The following SCAF1 variants were observed in gnomAD, a reference collection of about 807,000 sequenced individuals.
SCAF1 encodes the protein SR-related CTD associated factor 1.
A neutral mutation model predicts 91.2 loss-of-function variants in SCAF1; 28 were observed. The observed-to-expected ratio is 0.31, with a 90% CI of 0.23 to 0.42. The LOEUF (loss-of-function observed/expected upper bound fraction) is 0.42. Among genes scored for constraint, SCAF1 ranks in the 10% least tolerant of loss-of-function variants. The pLI, the probability that SCAF1 is intolerant of heterozygous loss-of-function variation, is 1.00. For missense variants in SCAF1, 1,893 were observed against 1,872.1 expected, an observed-to-expected ratio of 1.01 and a Z score of -0.21; for synonymous variants, 1,036 against 833.7, an observed-to-expected ratio of 1.24 and a Z score of -4.18.
At chr19:49,649,097 T>C (rs1251582958) in intron 6 of SCAF1, among the ~76,000 whole-genome samples, 2 of 151,566 alleles carry the variant, frequency 1.3e-5, no homozygotes, top group Non-Finnish European at 2.9e-5. Context: ...GCCTTAAGAG[T>C]GATAAGGGTG....
rs2081049913 is a variant in SCAF1, at chr19:49,645,506, G to A, written c.166+95G>A. ...CAAGCTTTTCTGAAGCCTCCTGGGT[G>A]CCACCCTTGTGCTGGCATGGGGAGC... is the stretch of plus-strand genomic sequence containing the variant. On this transcript the variant is annotated intron_variant, in intron 3 of 10. Coordinates refer to ENST00000360565, the MANE Select transcript of SCAF1 (RefSeq NM_021228.3). This position sits in a 1 kb window ranked among gnomAD's most constrained non-coding sequence, Gnocchi z 4.6. The A allele has an allele frequency of 1.5e-6, 2 of 1,377,764 alleles. No homozygotes were observed. The highest frequency in any genetic ancestry group is 2.0e-6 in the Non-Finnish European group (2 of 995,742). The allele number at this position is 1,377,764 out of a possible 1,614,324, so 85.3% of individuals were successfully genotyped here.
Position 49,652,118 on chromosome 19 carries a change from C to A in SCAF1, c.1729C>A (p.Arg577Ser). 3.6e-6 allele frequency: 4 copies of A among 1,119,816 alleles called. No homozygotes were observed. The highest frequency in any genetic ancestry group is 2.2e-6 in the Non-Finnish European group (2 of 909,206). 69.4% of individuals were successfully genotyped at this position (1,119,816 alleles called of 1,614,324 possible). Residue 577 changes from arginine (R) to serine (S), a missense_variant, in exon 7 of 11, where the codon CGC (arginine) becomes AGC (serine). By Grantham distance (110) the Arg-to-Ser change is moderately radical. Around this residue, in one of 5 missense-constraint regions of SCAF1, gnomAD observed 1,436 missense variants for 1,306.8 expected, o/e 1.10. Coordinates refer to ENST00000360565, the MANE Select transcript of SCAF1 (RefSeq NM_021228.3). The stretch of plus-strand genomic sequence containing the variant: ...GTCCGCCCGCCGCCGCTCCCGCTCC[C>A]GCTCCCGCTCCCGCTCCACCCGCCG... The part of the protein sequence containing the change: ...SSSARRRSRS[R>S]SRSRSTRRRS...
chr19:49,652,483 C>G lies in SCAF1; in HGVS notation c.2094C>G (p.Leu698=). 1.3e-6 allele frequency: 2 copies of G among 1,593,986 alleles called. No homozygotes were observed. Among genetic ancestry groups the G allele is most frequent in the Non-Finnish European group, 1.7e-6 (2 of 1,173,218 alleles). ...TCCAGGACCTCACGGACCACGACCT[C>G]TTCGCCATCAAGCGGACCATCACGG... ...PSIQDLTDHD[L]FAIKRTITVG... is the part of the protein sequence containing the mutation. The change falls in exon 7 of 11, where the codon CTC becomes CTG. Residue 698 remains leucine, a synonymous_variant. Transcript: ENST00000360565.
At position 49,651,227 on chromosome 19, in the gene SCAF1, G is replaced by T; in HGVS notation, c.838G>T (p.Glu280Ter). 6.2e-7 allele frequency: 1 copy of T among 1,613,172 alleles called. No individual in the cohort carries two copies. Among genetic ancestry groups the T allele is most frequent in the Non-Finnish European group, 8.5e-7 (1 of 1,179,862 alleles). The change falls in exon 7 of 11, where the codon GAA becomes TAA. Residue 280 changes from glutamate (E) to a stop codon, truncating the protein, a stop_gained. Coordinates refer to ENST00000360565, the MANE Select transcript of SCAF1 (RefSeq NM_021228.3). LOFTEE classifies it high-confidence loss of function. ...EEEEEEEEEE[E>*]EEDEEEEEGL... is the part of the protein sequence containing the mutation. ...GGAGGAGGAAGAGGAAGAAGAAGAGGAAGAGGAAGACGAGGAGGAGGAGGA... is the reference window on the plus strand; with the variant it reads ...GGAGGAGGAAGAGGAAGAAGAAGAGTAAGAGGAAGACGAGGAGGAGGAGGA...
chr19:49,642,705 G>GGGTAT lies in SCAF1; in HGVS notation c.-7+465_-7+469dup, dbSNP rs1374419687. ...ATCTTCAGAGCCATCTAGAGGCCTG[G>GGGTAT]GGTATGTCTTTTAGGGCTGGAAAGT... On this transcript the variant is annotated intron_variant, in intron 1 of 10. Transcript: ENST00000360565. This position sits in a 1 kb window ranked among gnomAD's most constrained non-coding sequence, Gnocchi z 4.0. The GGGTAT allele has an allele frequency of 6.6e-6, 1 of 152,406 alleles. No homozygotes were observed. The highest frequency in any genetic ancestry group is 1.9e-4 in the East Asian group (1 of 5,210). 9.4% of individuals were successfully genotyped at this position (152,406 alleles called of 1,614,324 possible). A position where few individuals can be genotyped will look rare whatever the true frequency, so the allele number is the denominator to read the frequency against.
chr19:49,654,922 A>C lies in SCAF1; in HGVS notation c.3618+52A>C, dbSNP rs760942190. On this transcript the variant is annotated intron_variant, in intron 9 of 10. Coordinates refer to ENST00000360565, the MANE Select transcript of SCAF1 (RefSeq NM_021228.3). The stretch of plus-strand genomic sequence containing the variant: ...CGGTGCTGACAGTTCTGTAGAGAAT[A>C]TGGACAGGAACTGAGACGCGGGGGC... 2.9e-6 allele frequency: 4 copies of C among 1,391,742 alleles called. No individual in the cohort carries two copies. In the African/African-American group the frequency reaches 5.8e-5, roughly 20 times the overall value. 86.2% of individuals were successfully genotyped at this position (1,391,742 alleles called of 1,614,324 possible).
chr19:49,655,704 A>ACCCTGTTG (rs1002873990), intron 9 of SCAF1, among the ~76,000 whole-genome samples: 3 of 151,846 alleles, frequency 2.0e-5, no homozygotes, highest in African/African-American at 2.4e-5. Context: ...TCGCTTTGTC[A>ACCCTGTTG]CCCAAGCTGG....
In SCAF1 at chr19:49,651,590, G is replaced by A; in HGVS notation, c.1201G>A (p.Glu401Lys). 6.5e-7 allele frequency: 1 copy of A among 1,540,610 alleles called. No individual in the cohort carries two copies. The highest frequency in any genetic ancestry group is 8.7e-7 in the Non-Finnish European group (1 of 1,144,006). ...GGAAGGGGAGATCGTCCAGCCGGAG[G>A]AGGAGCCCAGGCTGGCGCTGTCCCT... is the stretch of plus-strand genomic sequence containing the variant. ...IEEGEIVQPE[E>K]EPRLALSLFR... Residue 401 changes from glutamate to lysine, a missense_variant, in exon 7 of 11, where the codon GAG (glutamate) becomes AAG (lysine). This residue lies in a region of SCAF1 where 1,436 missense variants were observed against 1,306.8 expected (regional missense o/e 1.10). Transcript: ENST00000360565.
upstream of SCAF1, among the ~76,000 whole-genome samples, chr19:49,641,832 C>A (rs760890135): frequency 9.2e-5 from 14 of 152,232 alleles, no homozygotes; most frequent in Non-Finnish European, 2.1e-4. Flanking sequence ...CGTGCTCACT[C>A]CGCCGGACTA....
rs963879525 is a variant in SCAF1 at position 49,642,428 on chromosome 19, C to T, written c.-7+186C>T. 1.3e-5 allele frequency among the ~76,000 whole-genome samples: 2 copies of T among 152,132 alleles called. No homozygotes were observed. The highest frequency in any genetic ancestry group is 4.8e-5 in the African/African-American group (2 of 41,444). Reference sequence around the variant, plus strand: ...GCCGAGAGGGGGGCCTTCTCAGGGCCCCGGGACGCATCCGTGGGTTCCTGG... The same window carrying T: ...GCCGAGAGGGGGGCCTTCTCAGGGCTCCGGGACGCATCCGTGGGTTCCTGG... On this transcript the variant is annotated intron_variant, in intron 1 of 10. Transcript: ENST00000360565. The surrounding 1 kb of genome is among the most constrained non-coding windows in gnomAD (Gnocchi z 4.0).
In SCAF1 at chr19:49,646,786, C is replaced by T; in HGVS notation, c.434C>T (p.Pro145Leu). 1 of 1,613,678 alleles carries T rather than the reference C, an allele frequency of 6.2e-7. No homozygotes were observed. The highest frequency in any genetic ancestry group is 2.2e-5 in the East Asian group (1 of 44,876). ...GDRDPIPLPV[P>L]SLLPRLRAWR... The stretch of plus-strand genomic sequence containing the variant: ...AGAGATCCCATCCCTCTGCCTGTGC[C>T]CAGCCTGCTGCCCCGTCTCAGGGCC... The change falls in exon 6 of 11, where the codon CCC becomes CTC. Residue 145 changes from proline to leucine, a missense_variant. Pro to Leu is a moderately conservative substitution (Grantham distance 98, BLOSUM62 -3). Transcript: ENST00000360565. This position sits in a 1 kb window ranked among gnomAD's most constrained non-coding sequence, Gnocchi z 5.6.
intron 9 of SCAF1, 26 bp downstream of exon 9, chr19:49,654,896 G>A (rs1369177458): frequency 6.6e-7 from 1 of 1,517,108 alleles, no homozygotes; most frequent in Non-Finnish European, 8.9e-7. Flanking sequence ...GAGAGGTGGG[G>A]CGGTGCTGAC....
rs145400759 is a variant in SCAF1 at position 49,652,510 on chromosome 19, G to C, written c.2121G>C (p.Val707=). 6.3e-7 allele frequency: 1 copy of C among 1,580,024 alleles called. No individual in the cohort carries two copies. The part of the protein sequence containing the change: ...DLFAIKRTIT[V]GRLDKSDPRG... Reference sequence around the variant, plus strand: ...TCGCCATCAAGCGGACCATCACGGTGGGCCGGCTTGACAAGTCCGACCCCC... The same window carrying C: ...TCGCCATCAAGCGGACCATCACGGTCGGCCGGCTTGACAAGTCCGACCCCC... Residue 707 remains valine (V), a synonymous_variant, in exon 7 of 11, where the codon GTG becomes GTC. Transcript: ENST00000360565.
At chr19:49,649,895 G>A (rs554186754) in intron 6 of SCAF1, among the ~76,000 whole-genome samples, 2 of 152,230 alleles carry the variant, frequency 1.3e-5, no homozygotes, top group African/African-American at 4.8e-5. Flanking sequence ...GGCTGGTGAG[G>A]GCCAGCCCCT....
chr19:49,657,447 A>G (rs570329541), intron 9 of SCAF1, among the ~76,000 whole-genome samples: 3 of 152,364 alleles, frequency 2.0e-5, no homozygotes, highest in Admixed American at 2.0e-4. Flanking sequence ...TTCTTGGCCA[A>G]TGCCTGTCTT....
chr19:49,645,179 C>T lies in SCAF1; in HGVS notation c.108+45C>T, dbSNP rs1350997929. ...GGCACTGAGGGATGGAGGAGCTGGG[C>T]ATCCACACTCCAGGGGCCTGACTCC... On this transcript the variant is annotated intron_variant, in intron 2 of 10. Transcript: ENST00000360565. The surrounding 1 kb of genome is among the most constrained non-coding windows in gnomAD (Gnocchi z 4.6). 9 of 1,570,082 alleles carry T rather than the reference C, an allele frequency of 5.7e-6. No homozygotes were observed. The highest frequency in any genetic ancestry group is 7.9e-6 in the Non-Finnish European group (9 of 1,141,664).
intron 9 of SCAF1, among the ~76,000 whole-genome samples, chr19:49,656,695 C>T (rs1390449034): frequency 6.6e-6 from 1 of 152,218 alleles, no homozygotes; most frequent in Non-Finnish European, 1.5e-5. Context: ...CGGAGGCTCT[C>T]TGCCCTGTCC....
chr19:49,648,644 A>G (rs1303864383), intron 6 of SCAF1, among the ~76,000 whole-genome samples: 1 of 146,282 alleles, frequency 6.8e-6, no homozygotes, highest in South Asian at 2.3e-4. Flanking sequence ...TGACATTCTT[A>G]GGGGCCCACA....
chr19:49,647,019 AT>A (rs762556041), intron 6 of SCAF1, among the ~76,000 whole-genome samples, 189 bp downstream of exon 6: 1 of 152,248 alleles, frequency 6.6e-6, no homozygotes, highest in Non-Finnish European at 1.5e-5. Flanking sequence ...TGCTGGGGCT[AT>A]GTGGGAGTGG....
Sources: gnomAD v4.1 joint callset for allele counts (sites outside exome capture counted in the v4.1 genomes callset) on GRCh38, gnomAD v4.1.1 for gene constraint, gnomAD v4.1.1 regional missense constraint, Gnocchi (gnomAD v3.1) non-coding constraint, MANE v1.5 for transcripts, NCBI Gene and HGNC (gene_info 2026-07-23, HGNC 2026-07-21) for gene names.